The following SLCO1A2 variants were observed in gnomAD, a reference collection of about 807,000 sequenced individuals.
SLCO1A2 encodes solute carrier organic anion transporter family member 1A2.
In SLCO1A2, 67 loss-of-function variants were observed where a neutral mutation model predicts 69.0. The ratio of observed to expected loss-of-function variants is 0.97; its 90% CI spans 0.80 to 1.19. The LOEUF (loss-of-function observed/expected upper bound fraction) is 1.19, where lower values mean the gene tolerates loss of function less well. Among genes scored for constraint, SLCO1A2 ranks in the 50% most tolerant of loss-of-function variants. The pLI, the probability that SLCO1A2 is intolerant of heterozygous loss-of-function variation, is 0.00. For missense variants in SLCO1A2, 787 were observed against 793.7 expected (o/e 0.99, Z 0.10); for synonymous variants, 260 against 265.9 (o/e 0.98, Z 0.22).
chr12:21,365,714 C>A (rs907027315), intron 2 of SLCO1A2, among the ~76,000 whole-genome samples: 1 of 152,014 alleles, frequency 6.6e-6, no homozygotes, highest in Non-Finnish European at 1.5e-5. Flanking sequence ...AAAAAACAAA[C>A]AACCCCATTA....
chr12:21,283,133 A>G (rs558244014), intron 12 of SLCO1A2, among the ~76,000 whole-genome samples: 10 of 152,304 alleles, frequency 6.6e-5, no homozygotes, highest in African/African-American at 2.4e-4. Flanking sequence ...CAAAAAGAAC[A>G]AAACTGGAGG....
intron 2 of SLCO1A2, among the ~76,000 whole-genome samples, chr12:21,326,606 G>A (rs1333247208): frequency 6.6e-6 from 1 of 152,146 alleles, no homozygotes; most frequent in Admixed American, 6.5e-5. Flanking sequence ...AACTTATTGG[G>A]AACTGGAGCA....
At chr12:21,359,854 C>T (rs935230236) in intron 2 of SLCO1A2, among the ~76,000 whole-genome samples, 22 of 152,058 alleles carry the variant, frequency 1.4e-4, no homozygotes, top group Admixed American at 1.3e-4. Context: ...ATATTTGTTG[C>T]AGCTTTATTT....
intron 3 of SLCO1A2, among the ~76,000 whole-genome samples, chr12:21,316,670 G>C (rs188528782): frequency 6.7e-6 from 1 of 149,602 alleles, no homozygotes; most frequent in African/African-American, 2.5e-5. Context: ...TCTTCTACCT[G>C]TGCCTTAAAT....
chr12:21,337,528 T>TG (rs769000266), upstream of SLCO1A2, among the ~76,000 whole-genome samples: 14 of 147,940 alleles, frequency 9.5e-5, no homozygotes, highest in Non-Finnish European at 6.1e-5. Context: ...ATCCTTTCCC[T>TG]AGGGAAAAAA....
intron 2 of SLCO1A2, among the ~76,000 whole-genome samples, chr12:21,320,160 C>T (rs1365800224): frequency 6.6e-6 from 1 of 152,156 alleles, no homozygotes; most frequent in Non-Finnish European, 1.5e-5. Context: ...ATTCTCACAC[C>T]TTCCACCTTC....
chr12:21,357,993 T>A (rs1033734855), intron 2 of SLCO1A2, among the ~76,000 whole-genome samples: 2 of 152,006 alleles, frequency 1.3e-5, no homozygotes, highest in Non-Finnish European at 2.9e-5. Context: ...CAGACTTTGG[T>A]GGGTGGGTGG....
chr12:21,362,196 G>C (rs12830157), intron 2 of SLCO1A2, among the ~76,000 whole-genome samples: 49,207 of 151,710 alleles, frequency 0.32, 8,286 homozygotes, highest in East Asian at 0.46. Context: ...CAGTGAGCGG[G>C]TCTCTCGGCA....
At chr12:21,307,536 A>G (rs16923663) in intron 4 of SLCO1A2, among the ~76,000 whole-genome samples, 12,659 of 152,236 alleles carry the variant, frequency 0.083, 1,675 homozygotes, top group African/African-American at 0.29. Flanking sequence ...GAGAATCTCA[A>G]TCACCATGAC....
chr12:21,317,416 C>G (rs1951017902), intron 3 of SLCO1A2, among the ~76,000 whole-genome samples: 1 of 152,146 alleles, frequency 6.6e-6, no homozygotes, highest in Non-Finnish European at 1.5e-5. Flanking sequence ...CTTGCTTAAC[C>G]TCATTTCTTC....
rs568707960 is a variant in SLCO1A2, at chr12:21,327,156, G to A, written c.60+7432C>T. Among the ~76,000 whole-genome samples the A allele has an allele frequency of 2.6e-5, 4 of 152,284 alleles. No homozygotes were observed. In the East Asian group the frequency reaches 5.8e-4, roughly 22 times the overall value. The stretch of plus-strand genomic sequence containing the variant: ...CACTCAGGCCACTGCTTCAGAGGGT[G>A]CAAGTCTCAAGCTTTGGTTGGGCCT... On this transcript the variant is annotated intron_variant, in intron 2 of 14. Transcript: ENST00000683939.
At chr12:21,343,925 T>C (rs946143154) in intron 2 of SLCO1A2, among the ~76,000 whole-genome samples, 1 of 152,094 alleles carries the variant, frequency 6.6e-6, no homozygotes, top group South Asian at 2.1e-4. Flanking sequence ...GACCAGTTGT[T>C]ATGCAGAAAG....
intron 2 of SLCO1A2, among the ~76,000 whole-genome samples, chr12:21,350,258 G>A (rs1239243073): frequency 6.7e-6 from 1 of 149,248 alleles, no homozygotes; most frequent in Non-Finnish European, 1.5e-5. Flanking sequence ...ATTCTTTTTA[G>A]AATAACAAGA....
chr12:21,305,458 T>C (rs536248985), intron 5 of SLCO1A2, among the ~76,000 whole-genome samples: 2 of 152,352 alleles, frequency 1.3e-5, no homozygotes, highest in East Asian at 3.9e-4. Context: ...GTGAGTGCTA[T>C]CTCTCCATTA....
intron 2 of SLCO1A2, among the ~76,000 whole-genome samples, chr12:21,350,212 T>A (rs1255131782): frequency 1.3e-5 from 2 of 151,906 alleles, no homozygotes; most frequent in Non-Finnish European, 2.9e-5. Context: ...TCTTAAGACT[T>A]ATGTATATAG....
chr12:21,313,730 A>G (rs1008498137), intron 4 of SLCO1A2, among the ~76,000 whole-genome samples: 1 of 152,014 alleles, frequency 6.6e-6, no homozygotes, highest in Non-Finnish European at 1.5e-5. Flanking sequence ...AAATAAAAAC[A>G]GAGGCCGAGG....
upstream of SLCO1A2, among the ~76,000 whole-genome samples, chr12:21,396,247 C>A (rs1241758239): frequency 1.3e-5 from 2 of 150,516 alleles, no homozygotes; most frequent in African/African-American, 4.9e-5. Flanking sequence ...GGAGCCGATG[C>A]GATCAACTGG....
upstream of SLCO1A2, among the ~76,000 whole-genome samples, chr12:21,418,374 C>T (rs984646260): frequency 2.0e-5 from 3 of 152,084 alleles, no homozygotes; most frequent in African/African-American, 7.2e-5. Flanking sequence ...TGTTAGAAAC[C>T]TCAGGCACAG....
Position 21,314,532 on chromosome 12 carries a change from C to T in SLCO1A2, c.335+17G>A. 1 of 1,610,178 alleles carries T rather than the reference C, an allele frequency of 6.2e-7. No individual in the cohort carries two copies. The highest frequency in any genetic ancestry group is 1.1e-5 in the South Asian group (1 of 89,574). On this transcript the variant is annotated intron_variant, in intron 4 of 14. Transcript: ENST00000683939. The stretch of plus-strand genomic sequence containing the variant: ...GTGAAATTTGACCACCCAAAATTAT[C>T]AGACTGGAGTACTTACTGGTTCATG...
Sources: allele counts gnomAD v4.1 joint callset (sites outside exome capture counted in the v4.1 genomes callset), GRCh38; gene constraint gnomAD v4.1.1; transcripts MANE v1.5; gene names NCBI Gene and HGNC (gene_info 2026-07-23, HGNC 2026-07-21).